Variants in MPP7 observed in about 807,000 individuals in gnomAD.
The protein encoded by MPP7 is MAGUK p55 scaffold protein 7, also known as MAGUK p55 subfamily member 7.
Under a neutral mutation model 76.5 loss-of-function variants are expected in MPP7, and 60 were observed. The observed-to-expected ratio is 0.78, with a 90% confidence interval of 0.64 to 0.97. The LOEUF (loss-of-function observed/expected upper bound fraction) is 0.97, where lower values mean the gene tolerates loss of function less well. Among genes scored for constraint, MPP7 ranks in the 50% least tolerant of loss-of-function variants. MPP7 has a pLI of 0.00. For missense variants in MPP7, 641 were observed against 694.0 expected (o/e 0.92, Z 0.86); for synonymous variants, 237 against 244.5 (o/e 0.97, Z 0.29).
chr10:28,168,166 C>T (rs1228324924), intron 3 of MPP7, among the ~76,000 whole-genome samples: 6 of 152,110 alleles, frequency 3.9e-5, no homozygotes, highest in South Asian at 4.2e-4. Flanking sequence ...ACTCAGTAGG[C>T]GGAGGCTGCA....
At chr10:28,080,229 C>T (rs1225894873) in intron 12 of MPP7, among the ~76,000 whole-genome samples, 3 of 152,166 alleles carry the variant, frequency 2.0e-5, no homozygotes, top group Non-Finnish European at 4.4e-5. Context: ...ATTTACTCTA[C>T]GCTTATATAG....
chr10:28,120,596 T>C lies in MPP7; in HGVS notation c.688A>G (p.Lys230Glu), dbSNP rs919261233. ...SKEETPSKEG[K>E]MFIKALFDYN... ...AAATGTTTTTAAGCAATAATTACCT[T>C]GCCTTCTTTTGATGGTGTCTCCTCT... Residue 230 changes from lysine to glutamate, a missense_variant and splice_region_variant, in exon 9 of 17, where the codon AAG becomes GAG. Lys to Glu is a moderately conservative substitution (Grantham distance 56). Coordinates refer to ENST00000683449, the MANE Select transcript of MPP7 (RefSeq NM_001318170.2). The C allele has an allele frequency of 6.2e-7, 1 of 1,613,512 alleles. No homozygotes were observed. Among genetic ancestry groups the C allele is most frequent in the Non-Finnish European group, 8.5e-7 (1 of 1,179,568 alleles).
rs1420342805 is a variant in MPP7 at position 28,051,542 on chromosome 10, C to A, written c.*2523G>T. On this transcript the variant is annotated 3_prime_UTR_variant, in exon 17 of 17. Coordinates refer to ENST00000683449, the MANE Select transcript of MPP7 (RefSeq NM_001318170.2). ...TGAATTTTAAAAAGTGAACGTTCCT[C>A]TTCTCTTACATAGTGGCTCCAACTT... The A allele has an allele frequency of 6.6e-6, 1 of 152,126 alleles. No homozygotes were observed. The highest frequency in any genetic ancestry group is 1.5e-5 in the Non-Finnish European group (1 of 68,030). 9.4% of individuals were successfully genotyped at this position (152,126 alleles called of 1,614,324 possible).
chr10:28,128,666 A>C (rs1450356961), intron 6 of MPP7, among the ~76,000 whole-genome samples: 1 of 152,200 alleles, frequency 6.6e-6, no homozygotes, highest in Non-Finnish European at 1.5e-5. Context: ...CCATCAACTA[A>C]AAGGGGTTAA....
chr10:28,225,175 A>C (rs764934426), intron 2 of MPP7, among the ~76,000 whole-genome samples: 26 of 152,328 alleles, frequency 1.7e-4, no homozygotes, highest in Admixed American at 7.8e-4. Flanking sequence ...AAATTAGCTT[A>C]AAATGGATCA....
chr10:28,232,937 CTATAT>C (rs1323092550), intron 2 of MPP7, among the ~76,000 whole-genome samples: 7 of 151,996 alleles, frequency 4.6e-5, no homozygotes, highest in Admixed American at 6.6e-5. Flanking sequence ...ATTTCTGTAC[CTATAT>C]TATATTTCAC....
intron 1 of MPP7, among the ~76,000 whole-genome samples, chr10:28,294,384 A>G (rs1303753298): frequency 2.0e-5 from 3 of 152,234 alleles, no homozygotes; most frequent in Non-Finnish European, 2.9e-5. Context: ...GATGACTTTC[A>G]GGTACTTCCT....
At chr10:28,172,523 C>A (rs1363320893) in intron 3 of MPP7, among the ~76,000 whole-genome samples, 3 of 152,184 alleles carry the variant, frequency 2.0e-5, no homozygotes, top group African/African-American at 7.2e-5. Flanking sequence ...CCGACTCAGA[C>A]TGTGGGTGTA....
rs547499065 is a variant in MPP7, at chr10:28,198,710, A to C, written c.156+3443T>G. ...AACATAACTAAAAAAAATAAAATGT[A>C]AAATAAGTAAAGAGATCTCAATAGG... On this transcript the variant is annotated intron_variant, in intron 3 of 16. Transcript: ENST00000683449. Among the ~76,000 whole-genome samples the C allele has an allele frequency of 2.3e-4, 35 of 152,298 alleles. No individual in the cohort carries two copies. In the South Asian group the frequency reaches 7.0e-3, roughly 31 times the overall value.
At chr10:28,157,062 T>C (rs1318073364) in intron 3 of MPP7, among the ~76,000 whole-genome samples, 1 of 151,730 alleles carries the variant, frequency 6.6e-6, no homozygotes, top group African/African-American at 2.4e-5. Flanking sequence ...ATACTAAAAT[T>C]AGCCAGGTGT....
chr10:28,120,233 G>T lies in MPP7; in HGVS notation c.848C>A (p.Pro283His). Reference protein sequence around the residue: ...WQAKHEADANPRAGLIPSKHF... With the variant: ...WQAKHEADANHRAGLIPSKHF... ...CTTTGAGGGGATCAAGCCTGCCCTG[G>T]GGTTGGCATCAGCTTCGTGTTTCGC... is the stretch of plus-strand genomic sequence containing the variant. The change falls in exon 10 of 17, where the codon CCC (proline) becomes CAC (histidine). Residue 283 changes from proline (P) to histidine (H), a missense_variant. Transcript: ENST00000683449. 6.2e-7 allele frequency: 1 copy of T among 1,613,950 alleles called. No homozygotes were observed.
chr10:28,065,488 A>G (rs1337665696), intron 13 of MPP7, among the ~76,000 whole-genome samples: 1 of 152,210 alleles, frequency 6.6e-6, no homozygotes, highest in Non-Finnish European at 1.5e-5. Context: ...GGAATACTGA[A>G]TAAGAGATCT....
chr10:28,100,891 T>C (rs10763643), intron 11 of MPP7, among the ~76,000 whole-genome samples: 52,662 of 151,928 alleles, frequency 0.35, 12,694 homozygotes, highest in East Asian at 0.95. Flanking sequence ...ACCATAAAAA[T>C]GGAGAGAGAG....
intron 1 of MPP7, among the ~76,000 whole-genome samples, chr10:28,330,522 C>T (rs764244243): frequency 1.7e-4 from 26 of 152,076 alleles, no homozygotes; most frequent in Non-Finnish European, 5.9e-5. Flanking sequence ...AAAAGCTTCA[C>T]TTATGTGGCT....
chr10:28,226,803 TC>T (rs1269763305), intron 2 of MPP7, among the ~76,000 whole-genome samples: 1 of 152,144 alleles, frequency 6.6e-6, no homozygotes, highest in Non-Finnish European at 1.5e-5. Context: ...CTCGCACTAT[TC>T]CCATAAAGAT....
chr10:28,319,507 T>C (rs1276932730), intron 2 of MPP7, among the ~76,000 whole-genome samples: 1 of 151,180 alleles, frequency 6.6e-6, no homozygotes, highest in African/African-American at 2.4e-5. Flanking sequence ...CAAAACCCCG[T>C]CTCTACAAAA....
chr10:28,069,946 T>C (rs899661034), intron 12 of MPP7, 94 bp from the exon 13 acceptor site: 9 of 825,126 alleles, frequency 1.1e-5, no homozygotes, highest in Non-Finnish European at 1.8e-5. Context: ...ACTGAAAACA[T>C]GGATCCAGCT....
At chr10:28,092,142 T>C (rs11006856) in intron 11 of MPP7, among the ~76,000 whole-genome samples, 7,902 of 152,322 alleles carry the variant, frequency 0.052, 247 homozygotes, top group Middle Eastern at 0.11. Flanking sequence ...GATTCAGAGT[T>C]TGATAAAAAT....
chr10:28,056,844 TA>T (rs1851576922), intron 15 of MPP7, among the ~76,000 whole-genome samples: 1 of 152,186 alleles, frequency 6.6e-6, no homozygotes, highest in Non-Finnish European at 1.5e-5. Context: ...AAATACATCA[TA>T]ATTAACATTG....
Sources: gnomAD v4.1 joint callset for allele counts (sites outside exome capture counted in the v4.1 genomes callset) on GRCh38, gnomAD v4.1.1 for gene constraint, MANE v1.5 for transcripts, NCBI Gene and HGNC (gene_info 2026-07-23, HGNC 2026-07-21) for gene names.